RPRD1A: variants seen among roughly 807,000 people sequenced by gnomAD.
RPRD1A encodes regulation of nuclear pre-mRNA domain containing 1A.
In RPRD1A, 9 loss-of-function variants were observed where a neutral mutation model predicts 37.8. The observed-to-expected ratio is 0.24, with a 90% confidence interval of 0.14 to 0.42. The LOEUF (loss-of-function observed/expected upper bound fraction) is 0.42. RPRD1A is among the 10% of genes least tolerant of loss of function. The pLI, the probability that RPRD1A is intolerant of heterozygous loss-of-function variation, is 1.00. For missense variants in RPRD1A, 255 were observed against 371.0 expected, an observed-to-expected ratio of 0.69 and a Z score of 2.57; for synonymous variants, 138 against 139.7, an observed-to-expected ratio of 0.99 and a Z score of 0.08.
intron 6 of RPRD1A, among the ~76,000 whole-genome samples, chr18:36,015,177 C>CATAT (rs1296857322): frequency 3.3e-3 from 274 of 83,718 alleles, no homozygotes; most frequent in African/African-American, 0.014. Flanking sequence ...CATATATACA[C>CATAT]ACACACACAC....
chr18:36,053,633 T>TA (rs778589415), intron 1 of RPRD1A, among the ~76,000 whole-genome samples: 10 of 152,228 alleles, frequency 6.6e-5, no homozygotes, highest in Non-Finnish European at 1.2e-4. Flanking sequence ...AGAATTCTTA[T>TA]AAAGTATTTG....
chr18:36,062,489 G>A (rs1020575553), intron 1 of RPRD1A, among the ~76,000 whole-genome samples: 7 of 151,566 alleles, frequency 4.6e-5, no homozygotes, highest in African/African-American at 1.7e-4. Flanking sequence ...GTACAGGAGT[G>A]CTCACAGCAG....
chr18:36,034,049 G>A (rs935316193), intron 1 of RPRD1A, among the ~76,000 whole-genome samples: 2 of 151,974 alleles, frequency 1.3e-5, no homozygotes, highest in Admixed American at 1.3e-4. Context: ...GCATCTCGGT[G>A]ACTCTATCCT....
rs114862062 is a variant in RPRD1A, at chr18:36,030,712, T to C, written c.486+96A>G. On this transcript the variant is annotated intron_variant, in intron 4 of 6. Transcript: ENST00000399022. ...TTCTTTCTTGTACCTAAAAGTATAA[T>C]AGAAATCAATTTACAGAAGTGAAAC... The C allele has an allele frequency of 3.0e-3, 2,131 of 713,232 alleles. 38 individuals carry two copies. In the African/African-American group the frequency reaches 0.034, roughly 11 times the overall value. The allele number at this position is 713,232 out of a possible 1,614,324, so 44.2% of individuals were successfully genotyped here.
At chr18:36,047,883 T>C (rs1299358877) in intron 1 of RPRD1A, among the ~76,000 whole-genome samples, 2 of 152,136 alleles carry the variant, frequency 1.3e-5, no homozygotes, top group Non-Finnish European at 2.9e-5. Flanking sequence ...CCACCAGAGA[T>C]TTTTACCAAA....
At chr18:35,996,741 C>T (rs543010975) in intron 6 of RPRD1A, among the ~76,000 whole-genome samples, 17 of 151,932 alleles carry the variant, frequency 1.1e-4, no homozygotes, top group Non-Finnish European at 2.2e-4. Flanking sequence ...ATTTTGAGGC[C>T]GAAGTGGGTG....
chr18:36,007,555 T>C (rs1303742354), intron 6 of RPRD1A, among the ~76,000 whole-genome samples: 1 of 152,178 alleles, frequency 6.6e-6, no homozygotes, highest in Non-Finnish European at 1.5e-5. Context: ...ATATAACTGT[T>C]ACACATTTTT....
chr18:36,065,454 GTT>G lies in RPRD1A; in HGVS notation c.151+1798_151+1799del, dbSNP rs887464484. Among the ~76,000 whole-genome samples, 31 of 152,092 alleles carry G rather than the reference GTT, an allele frequency of 2.0e-4. 1 individual carries two copies. Among genetic ancestry groups the G allele is most frequent in the Non-Finnish European group, 2.9e-5 (2 of 68,014 alleles). ...TGTCCATTCTCAAACTAATGGAATGGTTTTTTTGTTTTCTTATTTTTTGTAAA... is the reference window on the plus strand; with the variant it reads ...TGTCCATTCTCAAACTAATGGAATGGTTTTTGTTTTCTTATTTTTTGTAAA... On this transcript the variant is annotated intron_variant, in intron 1 of 6. Transcript: ENST00000399022.
At chr18:36,038,337 GC>G (rs2144325386) in intron 1 of RPRD1A, among the ~76,000 whole-genome samples, 1 of 152,240 alleles carries the variant, frequency 6.6e-6, no homozygotes, top group East Asian at 1.9e-4. Context: ...TCTAGCCATG[GC>G]TAAAAGGGGC....
At chr18:36,045,401 T>C (rs2144353819) in intron 1 of RPRD1A, among the ~76,000 whole-genome samples, 1 of 152,306 alleles carries the variant, frequency 6.6e-6, no homozygotes, top group South Asian at 2.1e-4. Context: ...AATTCCAGTG[T>C]GCCTCGGAAT....
intron 1 of RPRD1A, among the ~76,000 whole-genome samples, chr18:36,043,148 CAAA>C (rs1568141813): frequency 8.1e-6 from 1 of 123,464 alleles, no homozygotes; most frequent in East Asian, 2.4e-4. Context: ...CACACACACA[CAAA>C]CACAGTAAAC....
intron 1 of RPRD1A, among the ~76,000 whole-genome samples, chr18:36,046,684 AAATC>A (rs1235069934): frequency 6.6e-6 from 1 of 151,824 alleles, no homozygotes; most frequent in Non-Finnish European, 1.5e-5. Flanking sequence ...AAAAAAAACA[AAATC>A]AGCCAGGCGT....
chr18:36,046,459 C>T (rs1285639421), intron 1 of RPRD1A, among the ~76,000 whole-genome samples: 1 of 152,158 alleles, frequency 6.6e-6, no homozygotes, highest in African/African-American at 2.4e-5. Context: ...AGAACTTCTA[C>T]TTGCACACAA....
rs113415725 is a variant in RPRD1A at position 35,991,513 on chromosome 18, C to T, written c.*1638G>A. The stretch of plus-strand genomic sequence containing the variant: ...TGTGAACCACGTTACAAGTGAAGGA[C>T]ATTCATGGTTAGGTGGATTCAGTTC... On this transcript the variant is annotated 3_prime_UTR_variant, in exon 7 of 7. Transcript: ENST00000399022. 2 of 152,314 alleles carry T rather than the reference C, an allele frequency of 1.3e-5. No individual in the cohort carries two copies. The highest frequency in any genetic ancestry group is 2.4e-5 in the African/African-American group (1 of 41,564). The allele number at this position is 152,314 out of a possible 1,614,324, so 9.4% of individuals were successfully genotyped here. A position where few individuals can be genotyped will look rare whatever the true frequency, so the allele number is the denominator to read the frequency against.
rs546545842 is a variant in RPRD1A at position 36,050,820 on chromosome 18, C to T, written c.151+16434G>A. Among the ~76,000 whole-genome samples the T allele has an allele frequency of 4.6e-5, 7 of 151,484 alleles. No homozygotes were observed. The East Asian group carries it at 1.4e-3, about 29-fold the overall frequency. ...TCAGCTTCCAAAAGTGTTGGGATTA[C>T]AGGTGTGAGCTACCACACCAGAATC... On this transcript the variant is annotated intron_variant, in intron 1 of 6. Transcript: ENST00000399022.
intron 4 of RPRD1A, among the ~76,000 whole-genome samples, chr18:36,028,775 C>T (rs1911556964): frequency 6.6e-6 from 1 of 152,134 alleles, no homozygotes; most frequent in South Asian, 2.1e-4. Context: ...AAAATGAAGA[C>T]CACAAAGCTG....
At chr18:36,051,536 C>G in intron 1 of RPRD1A, among the ~76,000 whole-genome samples, 1 of 151,224 alleles carries the variant, frequency 6.6e-6, no homozygotes, top group Non-Finnish European at 1.5e-5. Flanking sequence ...TCTCTAATAC[C>G]CCTTCCAATT....
At chr18:35,996,361 A>G (rs1250946436) in intron 6 of RPRD1A, among the ~76,000 whole-genome samples, 2 of 152,214 alleles carry the variant, frequency 1.3e-5, no homozygotes, top group African/African-American at 4.8e-5. Context: ...AAAAATGCTA[A>G]AACACAGGCA....
At chr18:36,038,575 T>G (rs1015748642) in intron 1 of RPRD1A, among the ~76,000 whole-genome samples, 3 of 152,168 alleles carry the variant, frequency 2.0e-5, no homozygotes, top group Non-Finnish European at 4.4e-5. Context: ...AGGGGAAATG[T>G]GGGATTGGAG....
Sources: allele counts gnomAD v4.1 joint callset (sites outside exome capture counted in the v4.1 genomes callset), GRCh38; gene constraint gnomAD v4.1.1; transcripts MANE v1.5; gene names NCBI Gene and HGNC (gene_info 2026-07-23, HGNC 2026-07-21).